TIE1: variants seen among roughly 807,000 people sequenced by gnomAD.
TIE1 encodes tyrosine kinase with immunoglobulin like and EGF like domains 1, also known as tyrosine-protein kinase receptor Tie-1.
A neutral mutation model predicts 130.5 loss-of-function variants in TIE1; 89 were observed. That is an observed-to-expected ratio of 0.68 (90% CI 0.57 to 0.81). The LOEUF is 0.81. Among genes scored for constraint, TIE1 ranks in the 40% least tolerant of loss-of-function variants. The pLI is 0.00. For synonymous variants in TIE1, 568 were observed against 629.4 expected, an observed-to-expected ratio of 0.90 and a Z score of 1.46; for missense variants, 1,392 against 1,559.8, an observed-to-expected ratio of 0.89 and a Z score of 1.81.
chr1:43,321,514 C>A (rs1646919580), intron 21 of TIE1, 22 bp downstream of exon 21: 6 of 1,596,414 alleles, frequency 3.8e-6, no homozygotes, highest in Non-Finnish European at 4.3e-6. Context: ...CATCCTTGAG[C>A]TCCATGATCC....
Position 43,311,692 on chromosome 1 carries a change from C to T in TIE1, c.1355C>T (p.Ala452Val), listed in dbSNP as rs997127515. The change falls in exon 10 of 23, where the codon GCA becomes GTA. Residue 452 changes from alanine (A) to valine (V), a missense_variant. By Grantham distance (64) the Ala-to-Val change is moderately conservative (BLOSUM62 0). Around this residue, in one of 6 missense-constraint regions of TIE1, gnomAD observed 551 missense variants for 565.5 expected, o/e 0.97. Transcript: ENST00000372476. ...GCAGTGCCCCCCGTGCCCCTGGCTG[C>T]ACCTCGGCTCCTGACCAAGCAGAGC... ...NVKVPPVPLA[A>V]PRLLTKQSRQ... 2.5e-6 allele frequency: 4 copies of T among 1,613,440 alleles called. No homozygotes were observed. The African/African-American group carries it at 4.0e-5, about 16-fold the overall frequency.
In TIE1 at chr1:43,321,409, C is replaced by T. The variant is rs1454487420; in HGVS notation, c.3162C>T (p.Tyr1054=). The change falls in exon 21 of 23, where the codon TAC becomes TAT. Residue 1054 remains tyrosine (Y), a synonymous_variant. Transcript: ENST00000372476. ...CCCCTCCTGCAGGAGGTACACCCTA[C>T]TGTGGCATGACCTGTGCCGAGCTCT... The part of the protein sequence containing the change: ...WEIVSLGGTP[Y]CGMTCAELYE... 3 of 1,614,096 alleles carry T rather than the reference C, an allele frequency of 1.9e-6. No individual in the cohort carries two copies. The highest frequency in any genetic ancestry group is 2.5e-6 in the Non-Finnish European group (3 of 1,179,980).
rs1646933490 is a variant in TIE1, at chr1:43,322,889, G to C, written c.*167G>C. ...GGATGGGGTGGGCTTAGGGGAACTGGGTTCCCATGCTTTGTAGGTGTCTCA... is the reference window on the plus strand; with the variant it reads ...GGATGGGGTGGGCTTAGGGGAACTGCGTTCCCATGCTTTGTAGGTGTCTCA... On this transcript the variant is annotated 3_prime_UTR_variant, in exon 23 of 23. Coordinates refer to ENST00000372476, the MANE Select transcript of TIE1 (RefSeq NM_005424.5). This position sits in a 1 kb window ranked among gnomAD's most constrained non-coding sequence, Gnocchi z 4.0. The C allele has an allele frequency of 1.6e-6, 1 of 611,426 alleles. No homozygotes were observed. The highest frequency in any genetic ancestry group is 2.9e-6 in the Non-Finnish European group (1 of 347,860). 37.9% of individuals were successfully genotyped at this position (611,426 alleles called of 1,614,324 possible).
Position 43,307,432 on chromosome 1 carries a change from C to T in TIE1, c.773C>T (p.Ala258Val), listed in dbSNP as rs1410950627. Reference protein sequence around the residue: ...PGFTGTRCEQACREGRFGQSC... With the variant: ...PGFTGTRCEQVCREGRFGQSC... ...TACACCCCACACACTCTCTTTCTAG[C>T]CTGCAGAGAGGGCCGTTTTGGGCAG... is the stretch of plus-strand genomic sequence containing the variant. The change falls in exon 6 of 23, where the codon GCC becomes GTC. Residue 258 changes from alanine (A) to valine (V), a missense_variant and splice_region_variant. By Grantham distance (64) the Ala-to-Val change is moderately conservative. Coordinates refer to ENST00000372476, the MANE Select transcript of TIE1 (RefSeq NM_005424.5). The surrounding 1 kb of genome is among the most constrained non-coding windows in gnomAD (Gnocchi z 5.4). 6.2e-7 allele frequency: 1 copy of T among 1,614,000 alleles called. No individual in the cohort carries two copies. The highest frequency in any genetic ancestry group is 2.2e-5 in the East Asian group (1 of 44,896).
chr1:43,317,442 T>C lies in TIE1; in HGVS notation c.2620+33T>C, dbSNP rs1247932828. On this transcript the variant is annotated intron_variant, in intron 15 of 22. Coordinates refer to ENST00000372476, the MANE Select transcript of TIE1 (RefSeq NM_005424.5). The surrounding 1 kb of genome is among the most constrained non-coding windows in gnomAD (Gnocchi z 5.1). ...GGGGCGACCCCTGGCCCAGCCCTGA[T>C]GCTCTCCTTTGTCCCACAAATCCCA... 6.2e-7 allele frequency: 1 copy of C among 1,613,412 alleles called. No individual in the cohort carries two copies. The highest frequency in any genetic ancestry group is 8.5e-7 in the Non-Finnish European group (1 of 1,179,382).
In TIE1 at chr1:43,322,863, G is replaced by A; in HGVS notation, c.*141G>A. On this transcript the variant is annotated 3_prime_UTR_variant, in exon 23 of 23. Transcript: ENST00000372476. This position sits in a 1 kb window ranked among gnomAD's most constrained non-coding sequence, Gnocchi z 4.0. ...CTTAAGGGAGAAAAAAAGGGATCTG[G>A]GGATGGGGTGGGCTTAGGGGAACTG... The A allele has an allele frequency of 2.8e-6, 2 of 718,814 alleles. No homozygotes were observed. The highest frequency in any genetic ancestry group is 4.6e-6 in the Non-Finnish European group (2 of 431,752). 44.5% of individuals were successfully genotyped at this position (718,814 alleles called of 1,614,324 possible).
intron 9 of TIE1, among the ~76,000 whole-genome samples, chr1:43,310,185 G>A (rs1466479575): frequency 3.3e-5 from 5 of 150,904 alleles, no homozygotes; most frequent in Admixed American, 1.3e-4. Context: ...CTGCTTTCTC[G>A]TTGCCACACT....
rs1478703080 is a variant in TIE1 at position 43,307,435 on chromosome 1, G to T, written c.776G>T (p.Cys259Phe). Residue 259 changes from cysteine to phenylalanine, a missense_variant, in exon 6 of 23, where the codon TGC becomes TTC. This residue lies in a region of TIE1 where 415 missense variants were observed against 424.8 expected (regional missense o/e 0.98). Coordinates refer to ENST00000372476, the MANE Select transcript of TIE1 (RefSeq NM_005424.5). The surrounding 1 kb of genome is among the most constrained non-coding windows in gnomAD (Gnocchi z 5.4). ...GFTGTRCEQA[C>F]REGRFGQSCQ... ...ACCCCACACACTCTCTTTCTAGCCTGCAGAGAGGGCCGTTTTGGGCAGAGC... is the reference window on the plus strand; with the variant it reads ...ACCCCACACACTCTCTTTCTAGCCTTCAGAGAGGGCCGTTTTGGGCAGAGC... The T allele has an allele frequency of 1.2e-6, 2 of 1,614,112 alleles. No homozygotes were observed. Among genetic ancestry groups the T allele is most frequent in the Non-Finnish European group, 1.7e-6 (2 of 1,180,000 alleles).
rs1182968072 is a variant in TIE1 at position 43,301,077 on chromosome 1, C to T, written c.6C>T (p.Val2=). 4 of 1,613,840 alleles carry T rather than the reference C, an allele frequency of 2.5e-6. No individual in the cohort carries two copies. The highest frequency in any genetic ancestry group is 3.4e-6 in the Non-Finnish European group (4 of 1,179,942). M[V]WRVPPFLLPI... ...CCTGGGTCGGCCTCTGGAGTATGGT[C>T]TGGCGGGTGCCCCCTTTCTTGCTCC... Residue 2 remains valine, a synonymous_variant, in exon 1 of 23, where the codon GTC becomes GTT. Transcript: ENST00000372476.
chr1:43,303,282 G>A (rs1022669242), intron 1 of TIE1, among the ~76,000 whole-genome samples: 7 of 152,098 alleles, frequency 4.6e-5, no homozygotes, highest in African/African-American at 1.2e-4. Context: ...CTGAAAGACC[G>A]TTCCCGAGTT....
intron 1 of TIE1, 109 bp from the exon 2 acceptor site, chr1:43,304,742 C>G: frequency 6.6e-6 from 8 of 1,204,558 alleles, no homozygotes; most frequent in Non-Finnish European, 8.6e-6. Flanking sequence ...GTTGGAGACC[C>G]TCTTCTGAGT....
rs7550341 is a variant in TIE1 at position 43,310,886 on chromosome 1, C to T, written c.1334-785C>T. On this transcript the variant is annotated intron_variant, in intron 9 of 22. Transcript: ENST00000372476. Reference sequence around the variant, plus strand: ...ACAGCGCGGCATCCTTTTCCTCCCTCGCTCCCTCCCTCTTTCCTTCCTTCC... The same window carrying T: ...ACAGCGCGGCATCCTTTTCCTCCCTTGCTCCCTCCCTCTTTCCTTCCTTCC... 6.8e-3 allele frequency among the ~76,000 whole-genome samples: 1,037 copies of T among 152,286 alleles called. 10 individuals are homozygous for T. The highest frequency in any genetic ancestry group is 0.024 in the African/African-American group (983 of 41,528).
In TIE1 at chr1:43,316,411, G is replaced by A. The variant is rs147578531; in HGVS notation, c.2410-788G>A. ...TGCACTTAGGAAGCCCCACCAGAAG[G>A]TCTGTCTTAACCCTGCTTCCAGTTC... On this transcript the variant is annotated intron_variant, in intron 14 of 22. Transcript: ENST00000372476. This position sits in a 1 kb window ranked among gnomAD's most constrained non-coding sequence, Gnocchi z 4.4. 1.8e-3 allele frequency among the ~76,000 whole-genome samples: 276 copies of A among 152,308 alleles called. 1 individual carries two copies. Among genetic ancestry groups the A allele is most frequent in the Middle Eastern group, 0.017 (5 of 294 alleles).
rs750184289 is a variant in TIE1, at chr1:43,313,327, G to C, written c.2120G>C (p.Gly707Ala). Residue 707 changes from glycine to alanine, a missense_variant, in exon 13 of 23, where the codon GGC becomes GCC. By Grantham distance (60) the Gly-to-Ala change is moderately conservative. Around this residue, in one of 6 missense-constraint regions of TIE1, gnomAD observed 551 missense variants for 565.5 expected, o/e 0.97. Coordinates refer to ENST00000372476, the MANE Select transcript of TIE1 (RefSeq NM_005424.5). The surrounding 1 kb of genome is among the most constrained non-coding windows in gnomAD (Gnocchi z 6.2). ...GAGGAGACAAGCACCATCATCCGTGGCCTCAACGCCAGCACGCGCTACCTC... is the reference window on the plus strand; with the variant it reads ...GAGGAGACAAGCACCATCATCCGTGCCCTCAACGCCAGCACGCGCTACCTC... ...RPEETSTIIR[G>A]LNASTRYLFR... 1.9e-6 allele frequency: 3 copies of C among 1,613,912 alleles called. No individual in the cohort carries two copies. Among genetic ancestry groups the C allele is most frequent in the Non-Finnish European group, 2.5e-6 (3 of 1,179,966 alleles).
At position 43,317,207 on chromosome 1, in the gene TIE1, G is replaced by A; in HGVS notation, c.2418G>A (p.Glu806=). 1.2e-6 allele frequency: 2 copies of A among 1,614,066 alleles called. No homozygotes were observed. ...TGTCTCATCCTGTGAAGGGCGAGGA[G>A]ACCATCCTGCAGTTCAGCTCAGGGA... is the stretch of plus-strand genomic sequence containing the variant. ...TFTYQSGSGE[E]TILQFSSGTL... The change falls in exon 15 of 23, where the codon GAG becomes GAA. Residue 806 remains glutamate (E), a synonymous_variant. Coordinates refer to ENST00000372476, the MANE Select transcript of TIE1 (RefSeq NM_005424.5). This position sits in a 1 kb window ranked among gnomAD's most constrained non-coding sequence, Gnocchi z 5.1.
rs778162073 is a variant in TIE1 at position 43,309,388 on chromosome 1, T to C, written c.1189T>C (p.Ser397Pro). The C allele has an allele frequency of 1.9e-5, 30 of 1,583,452 alleles. No individual in the cohort carries two copies. Among genetic ancestry groups the C allele is most frequent in the Non-Finnish European group, 2.4e-5 (28 of 1,167,806 alleles). The stretch of plus-strand genomic sequence containing the variant: ...TGTCCCCTTCCCCCATCTCTTTTAG[T>C]CCACCAAGGCCATTGTGGAGCCAGA... ...LRKPDGTVLL[S>P]TKAIVEPEKT... The change falls in exon 9 of 23, where the codon TCC (serine) becomes CCC (proline). Residue 397 changes from serine to proline, a missense_variant and splice_region_variant. This residue lies in a region of TIE1 where 551 missense variants were observed against 565.5 expected (regional missense o/e 0.97). Transcript: ENST00000372476. The surrounding 1 kb of genome is among the most constrained non-coding windows in gnomAD (Gnocchi z 6.3).
intron 14 of TIE1, chr1:43,314,471 G>C (rs1380640574): frequency 9.7e-7 from 1 of 1,032,720 alleles, no homozygotes; most frequent in East Asian, 9.5e-5. Flanking sequence ...CAGTAGGCCA[G>C]TCATGCTGTG....
chr1:43,303,449 G>T (rs1646690299), intron 1 of TIE1, among the ~76,000 whole-genome samples: 1 of 152,182 alleles, frequency 6.6e-6, no homozygotes. Flanking sequence ...TATGTGGTGG[G>T]CGGTCAGTAA....
At chr1:43,311,969 T>G in intron 10 of TIE1, 25 bp from the exon 11 acceptor site, 1 of 1,566,416 alleles carries the variant, frequency 6.4e-7, no homozygotes, top group Non-Finnish European at 8.7e-7. Flanking sequence ...GGCTGAATAA[T>G]GTGTGCTTTA....
Sources: gnomAD v4.1 joint callset for allele counts (sites outside exome capture counted in the v4.1 genomes callset) on GRCh38, gnomAD v4.1.1 for gene constraint, gnomAD v4.1.1 regional missense constraint, Gnocchi (gnomAD v3.1) non-coding constraint, MANE v1.5 for transcripts, NCBI Gene and HGNC (gene_info 2026-07-23, HGNC 2026-07-21) for gene names.